CTSF: variants seen among roughly 807,000 people sequenced by gnomAD.
CTSF encodes the protein cathepsin F.
Under a neutral mutation model 63.5 loss-of-function variants are expected in CTSF, and 65 were observed. That is an observed-to-expected ratio of 1.02 (90% CI 0.84 to 1.26). The LOEUF is 1.26. CTSF is among the 50% of genes most tolerant of loss of function. The pLI is 0.00. For synonymous variants in CTSF, 256 were observed against 258.1 expected, an observed-to-expected ratio of 0.99 and a Z score of 0.08; for missense variants, 641 against 631.0, an observed-to-expected ratio of 1.02 and a Z score of -0.17.
Position 66,564,754 on chromosome 11 carries a change from G to A in CTSF, c.1218C>T (p.Ala406=), listed in dbSNP as rs758499333. 10 of 1,614,064 alleles carry A rather than the reference G, an allele frequency of 6.2e-6. No individual in the cohort carries two copies. The Admixed American group carries it at 1.5e-4, about 24-fold the overall frequency. Residue 406 remains alanine (A), a synonymous_variant, in exon 10 of 13, where the codon GCC becomes GCT. Transcript: ENST00000310325. ...GCTAGGGCCTCACCTGCATGCCAAA[G>A]GCATTGATGGCCACGGAGATTGGGC... The part of the protein sequence containing the change: ...KRGPISVAIN[A]FGMQFYRHGI...
chr11:66,564,242 CTG>C, intron 11 of CTSF, 96 bp from the exon 12 acceptor site: 1 of 1,424,234 alleles, frequency 7.0e-7, no homozygotes, highest in South Asian at 1.2e-5. Flanking sequence ...ACTGGGCCTA[CTG>C]TGTGACAGGG....
Position 66,563,541 on chromosome 11 carries a change from C to A in CTSF, c.*392G>T. The A allele has an allele frequency of 2.2e-6, 1 of 445,022 alleles. No individual in the cohort carries two copies. The highest frequency in any genetic ancestry group is 4.0e-6 in the Non-Finnish European group (1 of 248,418). 27.6% of individuals were successfully genotyped at this position (445,022 alleles called of 1,614,324 possible). On this transcript the variant is annotated 3_prime_UTR_variant, in exon 13 of 13. Transcript: ENST00000310325. ...CCTGGACATGGAGAGGGACACTATC[C>A]CTAAATCCAAGGGAACCAGAAAATT...
chr11:66,564,014 G>C lies in CTSF; in HGVS notation c.1381-7C>G. On this transcript the variant is annotated splice_polypyrimidine_tract_variant and splice_region_variant and intron_variant, in intron 12 of 12. Transcript: ENST00000310325. ...GATGCAAGTAGTAGTAACCCTGGGGGAGAGGGGGAGCTGGTGAGGGCACCA... is the reference window on the plus strand; with the variant it reads ...GATGCAAGTAGTAGTAACCCTGGGGCAGAGGGGGAGCTGGTGAGGGCACCA... 1.2e-6 allele frequency: 2 copies of C among 1,613,838 alleles called. No homozygotes were observed. The highest frequency in any genetic ancestry group is 1.3e-5 in the African/African-American group (1 of 75,048).
chr11:66,564,254 G>T, intron 11 of CTSF, 108 bp from the exon 12 acceptor site: 1 of 1,375,350 alleles, frequency 7.3e-7, no homozygotes, highest in South Asian at 1.3e-5. Flanking sequence ...GTGTGACAGG[G>T]ACTAGGAAAA....
In CTSF at chr11:66,564,981, G is replaced by T; in HGVS notation, c.1071C>A (p.Tyr357Ter). 6.3e-7 allele frequency: 1 copy of T among 1,580,520 alleles called. No homozygotes were observed. The highest frequency in any genetic ancestry group is 8.6e-7 in the Non-Finnish European group (1 of 1,159,224). Residue 357 changes from tyrosine to a stop codon, truncating the protein, a stop_gained, in exon 9 of 13, where the codon TAC becomes TAA. Transcript: ENST00000310325. LOFTEE classifies it high-confidence loss of function. ...NLGGLETEDDYSYQGHMQSCN... is the reference protein window; with the variant it reads ...NLGGLETEDD ...AGGACTGCATGTGACCCTGGTAGCT[G>T]TAGTCATCCTCTGTCTCCAGCCCTC...
rs1857918427 is a variant in CTSF, at chr11:66,565,885, C to T, written c.910G>A (p.Val304Met). Residue 304 changes from valine to methionine, a missense_variant, in exon 7 of 13, where the codon GTG (valine) becomes ATG (methionine). By Grantham distance (21) the Val-to-Met change is conservative. Coordinates refer to ENST00000310325, the MANE Select transcript of CTSF (RefSeq NM_003793.4). ...TGGTTGAGAAACCACTGGCCCTCCACATTGCCTGTGACTGAGAAGGCCCAG... is the reference window on the plus strand; with the variant it reads ...TGGTTGAGAAACCACTGGCCCTCCATATTGCCTGTGACTGAGAAGGCCCAG... ...SCWAFSVTGNVEGQWFLNQGT... is the reference protein window; with the variant it reads ...SCWAFSVTGNMEGQWFLNQGT... 1 of 1,614,080 alleles carries T rather than the reference C, an allele frequency of 6.2e-7. No homozygotes were observed. Among genetic ancestry groups the T allele is most frequent in the South Asian group, 1.1e-5 (1 of 91,086 alleles).
In CTSF at chr11:66,565,822, G is replaced by C. The variant is rs200009655; in HGVS notation, c.964+9C>G. On this transcript the variant is annotated intron_variant, in intron 7 of 12. Coordinates refer to ENST00000310325, the MANE Select transcript of CTSF (RefSeq NM_003793.4). ...GGCTGGGGACAGAGGAGTAGAGCGA[G>C]ATGCTCACCCTGTTCAGAGAGGGAG... 4 of 1,613,948 alleles carry C rather than the reference G, an allele frequency of 2.5e-6. No individual in the cohort carries two copies. The highest frequency in any genetic ancestry group is 2.5e-6 in the Non-Finnish European group (3 of 1,180,024).
chr11:66,566,523 C>T, intron 4 of CTSF, 119 bp from the exon 5 acceptor site: 1 of 840,348 alleles, frequency 1.2e-6, no homozygotes, highest in Admixed American at 2.2e-5. Flanking sequence ...GCCAGACATG[C>T]AAGTGATGGA....
At position 66,564,068 on chromosome 11, in the gene CTSF, G is replaced by A. The variant is rs1555057809; in HGVS notation, c.1380+20C>T. 2.0e-5 allele frequency: 32 copies of A among 1,612,756 alleles called. No individual in the cohort carries two copies. Among genetic ancestry groups the A allele is most frequent in the Non-Finnish European group, 4.2e-6 (5 of 1,179,720 alleles). ...TAGGATGGCGGCTGGAGGGCCAGGG[G>A]CCAAGCCAGCAAGACTCACCTTCTC... On this transcript the variant is annotated intron_variant, in intron 12 of 12. Coordinates refer to ENST00000310325, the MANE Select transcript of CTSF (RefSeq NM_003793.4).
chr11:66,565,599 C>T (rs958903211), intron 8 of CTSF, 72 bp downstream of exon 8: 9 of 1,589,618 alleles, frequency 5.7e-6, no homozygotes, highest in Admixed American at 1.7e-5. Flanking sequence ...ATGTCTCCCC[C>T]CCATTATGAA....
Position 66,563,535 on chromosome 11 carries a change from A to G in CTSF, c.*398T>C. ...AAGTTTCCTGGACATGGAGAGGGAC[A>G]CTATCCCTAAATCCAAGGGAACCAG... On this transcript the variant is annotated 3_prime_UTR_variant, in exon 13 of 13. Transcript: ENST00000310325. The G allele has an allele frequency of 2.3e-6, 1 of 443,322 alleles. No homozygotes were observed. 27.5% of individuals were successfully genotyped at this position (443,322 alleles called of 1,614,324 possible).
At position 66,564,556 on chromosome 11, in the gene CTSF, A is replaced by G. The variant is rs1238778209; in HGVS notation, c.1321+2T>C. The G allele has an allele frequency of 7.1e-6, 11 of 1,550,672 alleles. No individual in the cohort carries two copies. Among genetic ancestry groups the G allele is most frequent in the Non-Finnish European group, 9.6e-6 (11 of 1,147,148 alleles). On this transcript the variant is annotated splice_donor_variant, in intron 11 of 12. Transcript: ENST00000310325. LOFTEE classifies it high-confidence loss of function. ...GGATGCAGGACAGGCAGCGGAACTC[A>G]CGGTTGCCGTAGCCCACAAGCAACA...
rs1167758941 is a variant in CTSF at position 66,568,268 on chromosome 11, C to T, written c.213+6G>A. On this transcript the variant is annotated splice_donor_region_variant and intron_variant, in intron 1 of 12. Transcript: ENST00000310325. ...CCTGGCGCCCCCGCCCCCGGCGCGT[C>T]CTCACCCGGCGGACGCGGCCGCGCA... 6 of 1,506,936 alleles carry T rather than the reference C, an allele frequency of 4.0e-6. No individual in the cohort carries two copies. The highest frequency in any genetic ancestry group is 2.1e-5 in the Admixed American group (1 of 47,472). The allele number at this position is 1,506,936 out of a possible 1,614,324, so 93.3% of individuals were successfully genotyped here.
chr11:66,564,672 G>C, intron 10 of CTSF, 24 bp from the exon 11 acceptor site: 1 of 1,612,546 alleles, frequency 6.2e-7, no homozygotes, highest in Non-Finnish European at 8.5e-7. Context: ...AGGAGTAGGG[G>C]ATCGACTCCA....
chr11:66,566,280 A>G lies in CTSF; in HGVS notation c.721+11T>C, dbSNP rs1255214295. ...TCCTGGATCCATGAGGACTGTGGCC[A>G]CTATCCCTACCTGTGAGATCACTGA... On this transcript the variant is annotated intron_variant, in intron 5 of 12. Transcript: ENST00000310325. The G allele has an allele frequency of 6.2e-7, 1 of 1,614,010 alleles. No individual in the cohort carries two copies. Among genetic ancestry groups the G allele is most frequent in the African/African-American group, 1.3e-5 (1 of 74,914 alleles).
rs959563942 is a variant in CTSF, at chr11:66,567,930, A to C, written c.312+54T>G. On this transcript the variant is annotated intron_variant, in intron 2 of 12. Transcript: ENST00000310325. ...TCTTGACCTGACCCGTCATCATCCA[A>C]CTGCTGCTTTACTCGGCCTCGGGGC... is the stretch of plus-strand genomic sequence containing the variant. 12 of 1,537,368 alleles carry C rather than the reference A, an allele frequency of 7.8e-6. No individual in the cohort carries two copies. The African/African-American group carries it at 1.7e-4, about 21-fold the overall frequency.
rs1406245354 is a variant in CTSF, at chr11:66,568,258, C to G, written c.213+16G>C. On this transcript the variant is annotated intron_variant, in intron 1 of 12. Transcript: ENST00000310325. ...TGGACCCGGGCCTGGCGCCCCCGCC[C>G]CCGGCGCGTCCTCACCCGGCGGACG... The G allele has an allele frequency of 1.3e-6, 2 of 1,512,480 alleles. No individual in the cohort carries two copies. Among genetic ancestry groups the G allele is most frequent in the African/African-American group, 2.8e-5 (2 of 70,410 alleles). 93.7% of individuals were successfully genotyped at this position (1,512,480 alleles called of 1,614,324 possible). A position where few individuals can be genotyped will look rare whatever the true frequency, so the allele number is the denominator to read the frequency against.
chr11:66,568,548 G>A lies in CTSF; in HGVS notation c.-62C>T, dbSNP rs1857989418. ...GCTCCACCGACCCACCGGGTACCGA[G>A]CCCGCGGCCAGCGGGGCCTGAGTCC... On this transcript the variant is annotated 5_prime_UTR_variant, in exon 1 of 13. Coordinates refer to ENST00000310325, the MANE Select transcript of CTSF (RefSeq NM_003793.4). 5 of 1,458,400 alleles carry A rather than the reference G, an allele frequency of 3.4e-6. No homozygotes were observed. The Admixed American group carries it at 1.0e-4, about 30-fold the overall frequency. The allele number at this position is 1,458,400 out of a possible 1,614,324, so 90.3% of individuals were successfully genotyped here.
At position 66,564,877 on chromosome 11, in the gene CTSF, CCTCA is replaced by C. The variant is rs1162199323; in HGVS notation, c.1165+6_1165+9del. ...CCACCTGACCTCACCTCACCCTGCC[CCTCA>C]CTCACTCTGCTCGTTCTGGCTCAGC... On this transcript the variant is annotated splice_donor_region_variant and intron_variant, in intron 9 of 12. Transcript: ENST00000310325. The C allele has an allele frequency of 2.5e-6, 4 of 1,613,430 alleles. No homozygotes were observed. The highest frequency in any genetic ancestry group is 2.5e-6 in the Non-Finnish European group (3 of 1,179,540).
Sources: allele counts gnomAD v4.1 joint callset, GRCh38; gene constraint gnomAD v4.1.1; transcripts MANE v1.5; gene names NCBI Gene and HGNC (gene_info 2026-07-23, HGNC 2026-07-21).